Variants in DPYSL3 observed in about 807,000 individuals in gnomAD.
DPYSL3 encodes dihydropyrimidinase like 3.
DPYSL3 carries 16 observed loss-of-function variants against 66.1 expected under a neutral mutation model. That is an observed-to-expected ratio of 0.24 (90% CI 0.16 to 0.37). The LOEUF (loss-of-function observed/expected upper bound fraction) is 0.37. Among genes scored for constraint, DPYSL3 ranks in the 10% least tolerant of loss-of-function variants. The probability of loss-of-function intolerance (pLI) is 1.00; values close to 1 mark genes in which losing one functional copy is unlikely to be tolerated. For synonymous variants in DPYSL3, 338 were observed against 345.1 expected, an observed-to-expected ratio of 0.98 and a Z score of 0.23; for missense variants, 738 against 916.2, an observed-to-expected ratio of 0.81 and a Z score of 2.51.
intron 7 of DPYSL3, among the ~76,000 whole-genome samples, chr5:147,406,981 T>C (rs1331397160): frequency 6.6e-6 from 1 of 152,170 alleles, no homozygotes; most frequent in Non-Finnish European, 1.5e-5. Context: ...CCTGGTCATA[T>C]GTGAATATGG....
At chr5:147,458,758 T>C (rs1342388914) in intron 1 of DPYSL3, among the ~76,000 whole-genome samples, 2 of 152,042 alleles carry the variant, frequency 1.3e-5, no homozygotes, top group African/African-American at 4.8e-5. Context: ...GGGTGTGGAA[T>C]TGAATGTGGG....
At chr5:147,458,345 A>G (rs1341251461) in intron 1 of DPYSL3, among the ~76,000 whole-genome samples, 1 of 152,206 alleles carries the variant, frequency 6.6e-6, no homozygotes, top group Non-Finnish European at 1.5e-5. Context: ...GCGCCATGAC[A>G]GTTTACAAAT....
intron 8 of DPYSL3, 129 bp from the exon 9 acceptor site, chr5:147,401,825 C>T: frequency 1.8e-6 from 2 of 1,081,864 alleles, no homozygotes; most frequent in Admixed American, 6.8e-5. Flanking sequence ...GGGTTCAAGT[C>T]CATGTTCCCA....
At chr5:147,447,912 CCTT>C (rs974551932) in intron 1 of DPYSL3, among the ~76,000 whole-genome samples, 1 of 152,116 alleles carries the variant, frequency 6.6e-6, no homozygotes, top group African/African-American at 2.4e-5. Context: ...TTTCCTGTCT[CCTT>C]CTGATTAGAT....
chr5:147,503,018 G>A (rs762112490), intron 1 of DPYSL3, among the ~76,000 whole-genome samples: 35 of 152,194 alleles, frequency 2.3e-4, no homozygotes, highest in Non-Finnish European at 4.7e-4. Flanking sequence ...CCAGCACCTG[G>A]TCTGTAGCCT....
At chr5:147,497,398 A>T (rs992368473) in intron 1 of DPYSL3, among the ~76,000 whole-genome samples, 1 of 152,272 alleles carries the variant, frequency 6.6e-6, no homozygotes, top group East Asian at 1.9e-4. Flanking sequence ...CTTAAAGTAT[A>T]ATAATAATAA....
intron 1 of DPYSL3, among the ~76,000 whole-genome samples, chr5:147,506,989 C>CATT (rs1296811366): frequency 1.3e-5 from 2 of 152,192 alleles, no homozygotes; most frequent in Non-Finnish European, 2.9e-5. Context: ...ACATCATGTT[C>CATT]ATTACTTCAG....
At position 147,509,201 on chromosome 5, in the gene DPYSL3, A is replaced by T. The variant is rs1753722322; in HGVS notation, c.381+277T>A. Among the ~76,000 whole-genome samples the T allele has an allele frequency of 6.6e-6, 1 of 152,128 alleles. No homozygotes were observed. The highest frequency in any genetic ancestry group is 2.4e-5 in the African/African-American group (1 of 41,434). On this transcript the variant is annotated intron_variant, in intron 1 of 13. Coordinates refer to ENST00000343218, the MANE Select transcript of DPYSL3 (RefSeq NM_001197294.2). This position sits in a 1 kb window ranked among gnomAD's most constrained non-coding sequence, Gnocchi z 5.3. ...ACCCACCCAGACCGGATGGCCCAGGAGTGCGGCGAGGAGGCAGGGGCAAAG... is the reference window on the plus strand; with the variant it reads ...ACCCACCCAGACCGGATGGCCCAGGTGTGCGGCGAGGAGGCAGGGGCAAAG...
chr5:147,415,617 G>A, intron 4 of DPYSL3, 92 bp downstream of exon 4: 1 of 1,496,294 alleles, frequency 6.7e-7, no homozygotes, highest in Non-Finnish European at 9.1e-7. Context: ...CAGGCTCCAA[G>A]TAAAAGACAG....
intron 1 of DPYSL3, among the ~76,000 whole-genome samples, chr5:147,484,473 A>G (rs568452492): frequency 6.6e-6 from 1 of 152,358 alleles, no homozygotes; most frequent in South Asian, 2.1e-4. Flanking sequence ...TTAAATATCA[A>G]CAACCTACGT....
chr5:147,405,075 C>T (rs1758293883), intron 8 of DPYSL3, among the ~76,000 whole-genome samples: 1 of 152,174 alleles, frequency 6.6e-6, no homozygotes, highest in Non-Finnish European at 1.5e-5. Context: ...AGGGGCCTCT[C>T]AGCATCTATT....
intron 1 of DPYSL3, among the ~76,000 whole-genome samples, chr5:147,451,632 G>A (rs1047909947): frequency 3.3e-5 from 5 of 151,998 alleles, no homozygotes; most frequent in African/African-American, 7.2e-5. Flanking sequence ...CAGTCTAGGA[G>A]GGAAAAAAAA....
intron 1 of DPYSL3, among the ~76,000 whole-genome samples, chr5:147,460,109 T>C (rs974511090): frequency 4.1e-5 from 6 of 147,548 alleles, no homozygotes; most frequent in Non-Finnish European, 7.4e-5. Flanking sequence ...AGACTCCGTC[T>C]CAGAAAAAAA....
chr5:147,493,104 T>C (rs1470470264), intron 1 of DPYSL3, among the ~76,000 whole-genome samples: 1 of 152,108 alleles, frequency 6.6e-6, no homozygotes, highest in Admixed American at 6.6e-5. Context: ...AAGAGGGACA[T>C]TACATAATGA....
intron 1 of DPYSL3, among the ~76,000 whole-genome samples, chr5:147,495,085 G>A (rs1753479689): frequency 6.6e-6 from 1 of 152,024 alleles, no homozygotes. Context: ...ATCAGAAAAT[G>A]CCAGACTCAG....
intron 1 of DPYSL3, among the ~76,000 whole-genome samples, chr5:147,428,009 A>G (rs1752228623): frequency 6.6e-6 from 1 of 152,180 alleles, no homozygotes; most frequent in African/African-American, 2.4e-5. Context: ...TCCCTTCAAC[A>G]AGCATGAAAT....
intron 1 of DPYSL3, among the ~76,000 whole-genome samples, chr5:147,427,164 C>T (rs185486796): frequency 4.9e-4 from 75 of 152,320 alleles, no homozygotes; most frequent in African/African-American, 1.7e-3. Context: ...TTTGTCAAGG[C>T]TCCAAAGGGC....
intron 13 of DPYSL3, 99 bp downstream of exon 13, chr5:147,395,452 GCTGGAAAA>G: frequency 7.2e-7 from 1 of 1,383,788 alleles, no homozygotes; most frequent in South Asian, 1.3e-5. Flanking sequence ...CCAGTGCTAG[GCTGGAAAA>G]CTCCTTCAGG....
chr5:147,412,494 A>G, intron 6 of DPYSL3, 114 bp downstream of exon 6: 1 of 1,031,142 alleles, frequency 9.7e-7, no homozygotes, highest in Non-Finnish European at 1.5e-6. Flanking sequence ...TGTCTTTAGC[A>G]AGGTACTTAT....
Sources: gnomAD v4.1 joint callset for allele counts (sites outside exome capture counted in the v4.1 genomes callset) on GRCh38, gnomAD v4.1.1 for gene constraint, Gnocchi (gnomAD v3.1) non-coding constraint, MANE v1.5 for transcripts, NCBI Gene and HGNC (gene_info 2026-07-23, HGNC 2026-07-21) for gene names.